The following TULP4 variants were observed in gnomAD, a reference collection of about 807,000 sequenced individuals.
TULP4 encodes TUB like protein 4.
Under a neutral mutation model 129.0 loss-of-function variants are expected in TULP4, and 16 were observed. That is an observed-to-expected ratio of 0.12 (90% CI 0.08 to 0.19). The LOEUF (loss-of-function observed/expected upper bound fraction) is 0.19, where lower values mean the gene tolerates loss of function less well. TULP4 is among the 10% of genes least tolerant of loss of function. TULP4 has a pLI of 1.00. For missense variants in TULP4, 1,842 were observed against 2,059.1 expected, an observed-to-expected ratio of 0.89 and a Z score of 2.04; for synonymous variants, 998 against 854.0, an observed-to-expected ratio of 1.17 and a Z score of -2.94.
Position 158,502,897 on chromosome 6 carries a change from C to T in TULP4, c.3234C>T (p.Arg1078=), listed in dbSNP as rs558593610. 431 of 1,613,970 alleles carry T rather than the reference C, an allele frequency of 2.7e-4. 3 individuals are homozygous for T. Among genetic ancestry groups the T allele is most frequent in the South Asian group, 1.6e-3 (144 of 91,076 alleles). The change falls in exon 13 of 14, where the codon CGC becomes CGT. Residue 1078 remains arginine (R), a synonymous_variant. Coordinates refer to ENST00000367097, the MANE Select transcript of TULP4 (RefSeq NM_020245.5). The stretch of plus-strand genomic sequence containing the variant: ...TCCTGAGCCCACCCGACAGCGCCCG[C>T]GACCGCACCGACTACGTCAACTCGG... ...YSLLSPPDSA[R]DRTDYVNSAF...
intron 1 of TULP4, among the ~76,000 whole-genome samples, chr6:158,240,018 CG>C (rs1777836533): frequency 9.7e-6 from 1 of 103,448 alleles, no homozygotes. Context: ...CCCTCCCGGA[CG>C]GGGCGGCTGG....
chr6:158,468,805 A>G (rs1779610524), intron 6 of TULP4, among the ~76,000 whole-genome samples: 1 of 152,222 alleles, frequency 6.6e-6, no homozygotes, highest in South Asian at 2.1e-4. Flanking sequence ...GGTCCGCTCC[A>G]TAGATGGCGC....
intron 1 of TULP4, among the ~76,000 whole-genome samples, chr6:158,257,991 T>G (rs1778278456): frequency 6.6e-6 from 1 of 152,120 alleles, no homozygotes; most frequent in South Asian, 2.1e-4. Context: ...TTCCAAGGGG[T>G]GGCTGATCTC....
chr6:158,328,079 GGTGTGTGTGTGTGT>G (rs766393090), intron 1 of TULP4, among the ~76,000 whole-genome samples: 1,317 of 120,576 alleles, frequency 0.011, 16 homozygotes, highest in African/African-American at 0.039. Flanking sequence ...TCTCAGAGCT[GGTGTGTGTGTGTGT>G]GTGTGTGTGT....
In TULP4 at chr6:158,461,681, C is replaced by T; in HGVS notation, c.978C>T (p.Phe326=). 2 of 1,614,112 alleles carry T rather than the reference C, an allele frequency of 1.2e-6. No homozygotes were observed. Among genetic ancestry groups the T allele is most frequent in the Non-Finnish European group, 1.7e-6 (2 of 1,180,020 alleles). Residue 326 remains phenylalanine, a synonymous_variant, in exon 6 of 14, where the codon TTC becomes TTT. Transcript: ENST00000367097. Reference sequence around the variant, plus strand: ...TTCTGAAGAGTGCCATGGTCAAGTTCTACAATGTTCGTGGGGAGCACATCT... The same window carrying T: ...TTCTGAAGAGTGCCATGGTCAAGTTTTACAATGTTCGTGGGGAGCACATCT... ...GPLLKSAMVK[F]YNVRGEHIFT...
At chr6:158,329,041 G>C (rs1379257728) in intron 1 of TULP4, among the ~76,000 whole-genome samples, 1 of 152,216 alleles carries the variant, frequency 6.6e-6, no homozygotes, top group Non-Finnish European at 1.5e-5. Context: ...CTGTGCAACA[G>C]TTTGGTGTTT....
intron 11 of TULP4, 120 bp from the exon 12 acceptor site, chr6:158,498,549 A>G: frequency 1.6e-6 from 2 of 1,284,064 alleles, no homozygotes; most frequent in Non-Finnish European, 1.1e-6. Flanking sequence ...CCCTGCCTAC[A>G]CAGATCTGTC....
intron 1 of TULP4, among the ~76,000 whole-genome samples, chr6:158,377,373 G>A (rs1777216764): frequency 6.6e-6 from 1 of 152,198 alleles, no homozygotes; most frequent in Admixed American, 6.5e-5. Context: ...AACCTTAGGA[G>A]TATTACATGA....
chr6:158,502,726 G>C lies in TULP4; in HGVS notation c.3063G>C (p.Gly1021=). 6.4e-7 allele frequency: 1 copy of C among 1,571,140 alleles called. No homozygotes were observed. Among genetic ancestry groups the C allele is most frequent in the African/African-American group, 1.3e-5 (1 of 74,462 alleles). ...PLAKSKGGPG[G]VVTQLPARPP... is the part of the protein sequence containing the mutation. ...CCAAGTCCAAGGGCGGGCCCGGGGG[G>C]GTGGTGACACAGCTCCCAGCGCGGC... is the stretch of plus-strand genomic sequence containing the variant. Residue 1021 remains glycine (G), a synonymous_variant, in exon 13 of 14, where the codon GGG becomes GGC. Transcript: ENST00000367097.
chr6:158,318,686 A>G (rs1779548248), intron 1 of TULP4, among the ~76,000 whole-genome samples: 1 of 152,182 alleles, frequency 6.6e-6, no homozygotes, highest in Non-Finnish European at 1.5e-5. Context: ...TGTGTTAAAT[A>G]CAAGTCCTCA....
At chr6:158,337,969 T>A (rs1780086392) in intron 1 of TULP4, among the ~76,000 whole-genome samples, 1 of 152,130 alleles carries the variant, frequency 6.6e-6, no homozygotes, top group Admixed American at 6.5e-5. Flanking sequence ...GTGGGTAAAG[T>A]CACACTTTCA....
intron 6 of TULP4, among the ~76,000 whole-genome samples, chr6:158,466,958 T>G (rs1687565480): frequency 6.6e-6 from 1 of 152,178 alleles, no homozygotes; most frequent in Non-Finnish European, 1.5e-5. Context: ...CCAATCTCAA[T>G]GAAGGTCTGA....
intron 1 of TULP4, among the ~76,000 whole-genome samples, chr6:158,295,413 A>C (rs1640682836): frequency 6.6e-6 from 1 of 152,206 alleles, no homozygotes; most frequent in Admixed American, 6.5e-5. Flanking sequence ...CTGATGCCTA[A>C]TGTAGTTCAC....
chr6:158,457,457 T>A (rs1489473524), intron 5 of TULP4, among the ~76,000 whole-genome samples: 1 of 152,178 alleles, frequency 6.6e-6, no homozygotes, highest in East Asian at 1.9e-4. Flanking sequence ...GCTGAGGAAG[T>A]TCTGCCTTCT....
At chr6:158,281,532 G>A (rs552179642), upstream of TULP4, among the ~76,000 whole-genome samples, 2 of 152,232 alleles carry the variant, frequency 1.3e-5, no homozygotes, top group Non-Finnish European at 2.9e-5. Flanking sequence ...AAGGGTTGAT[G>A]GGGGCAGGTG....
At chr6:158,474,171 A>G (rs558986963) in intron 6 of TULP4, among the ~76,000 whole-genome samples, 2 of 152,338 alleles carry the variant, frequency 1.3e-5, no homozygotes, top group South Asian at 4.1e-4. Context: ...ACAGACATAA[A>G]ACATTTCATC....
Position 158,507,604 on chromosome 6 carries a change from G to T in TULP4, c.*910G>T, listed in dbSNP as rs968006605. 4 of 152,172 alleles carry T rather than the reference G, an allele frequency of 2.6e-5. No homozygotes were observed. The highest frequency in any genetic ancestry group is 7.2e-5 in the African/African-American group (3 of 41,452). The allele number at this position is 152,172 out of a possible 1,614,324, so 9.4% of individuals were successfully genotyped here. ...AGTGGTAGCAGTTTTCTCAAATAAT[G>T]TGGTGACAGTCACTAGATCCTCACA... On this transcript the variant is annotated 3_prime_UTR_variant, in exon 14 of 14. Coordinates refer to ENST00000367097, the MANE Select transcript of TULP4 (RefSeq NM_020245.5).
At chr6:158,459,430 C>CA (rs5881265) in intron 5 of TULP4, among the ~76,000 whole-genome samples, 60,039 of 144,410 alleles carry the variant, frequency 0.42, 13,418 homozygotes, top group African/African-American at 0.62. Flanking sequence ...AACTCTGTCT[C>CA]AAAAAAAAAA....
intron 1 of TULP4, among the ~76,000 whole-genome samples, chr6:158,260,945 C>T (rs550676892): frequency 3.3e-5 from 5 of 151,770 alleles, no homozygotes; most frequent in Admixed American, 6.6e-5. Flanking sequence ...CTCAGCCTCC[C>T]GAGTAGCTGG....
Sources: allele counts gnomAD v4.1 joint callset (sites outside exome capture counted in the v4.1 genomes callset), GRCh38; gene constraint gnomAD v4.1.1; transcripts MANE v1.5; gene names NCBI Gene and HGNC (gene_info 2026-07-23, HGNC 2026-07-21).